Variants in ZSWIM5 observed in about 807,000 individuals in gnomAD.
ZSWIM5 encodes zinc finger SWIM-type containing 5.
In ZSWIM5, 55 loss-of-function variants were observed where a neutral mutation model predicts 119.6. The ratio of observed to expected loss-of-function variants is 0.46; its 90% CI spans 0.37 to 0.58. The LOEUF (loss-of-function observed/expected upper bound fraction) is 0.58. Ranked by LOEUF, ZSWIM5 falls within the 20% of genes least tolerant of loss-of-function variation. The probability of loss-of-function intolerance (pLI) is 0.00; values close to 1 mark genes in which losing one functional copy is unlikely to be tolerated. For synonymous variants in ZSWIM5, 537 were observed against 606.9 expected (o/e 0.88, Z 1.69); for missense variants, 1,193 against 1,512.8 (o/e 0.79, Z 3.51).
chr1:45,128,965 G>C (rs1029704674), intron 1 of ZSWIM5, among the ~76,000 whole-genome samples: 1 of 151,914 alleles, frequency 6.6e-6, no homozygotes, highest in South Asian at 2.1e-4. Flanking sequence ...CTCATGGCTT[G>C]ACAGCTCTTT....
At chr1:45,050,665 G>C (rs1244536798) in intron 5 of ZSWIM5, among the ~76,000 whole-genome samples, 2 of 152,170 alleles carry the variant, frequency 1.3e-5, no homozygotes, top group East Asian at 3.9e-4. Flanking sequence ...ACAGAAGTAA[G>C]AAAAGCTATG....
chr1:45,150,997 G>T (rs1488249944), intron 1 of ZSWIM5, among the ~76,000 whole-genome samples: 2 of 152,102 alleles, frequency 1.3e-5, no homozygotes, highest in African/African-American at 4.8e-5. Context: ...GCTTCACTAT[G>T]CCTTGAGACT....
chr1:45,105,362 G>C (rs1338352162), intron 1 of ZSWIM5, among the ~76,000 whole-genome samples: 2 of 152,218 alleles, frequency 1.3e-5, no homozygotes, highest in African/African-American at 4.8e-5. Flanking sequence ...GCCTCTGCCT[G>C]CCTGCCACCC....
intron 2 of ZSWIM5, among the ~76,000 whole-genome samples, chr1:45,062,528 T>C (rs1557752947): frequency 6.6e-6 from 1 of 152,184 alleles, no homozygotes; most frequent in Non-Finnish European, 1.5e-5. Context: ...TTAGACAGGG[T>C]CTCACTCTGT....
intron 1 of ZSWIM5, among the ~76,000 whole-genome samples, chr1:45,142,905 T>TCATA (rs1348347984): frequency 6.6e-6 from 1 of 150,710 alleles, no homozygotes; most frequent in Non-Finnish European, 1.5e-5. Context: ...ACATGGTGGC[T>TCATA]CATACCTATA....
At chr1:45,187,250 T>C (rs908213168) in intron 1 of ZSWIM5, among the ~76,000 whole-genome samples, 5 of 152,114 alleles carry the variant, frequency 3.3e-5, no homozygotes, top group Admixed American at 2.0e-4. Context: ...AACATAAGGA[T>C]AGACATAAAG....
intron 1 of ZSWIM5, among the ~76,000 whole-genome samples, chr1:45,190,972 A>G (rs1007413864): frequency 3.4e-5 from 3 of 88,738 alleles, no homozygotes; most frequent in Admixed American, 3.7e-4. Flanking sequence ...TTTGAGACGG[A>G]GTCTCGCTCT....
At chr1:45,123,516 G>A (rs191922645) in intron 1 of ZSWIM5, among the ~76,000 whole-genome samples, 10 of 152,062 alleles carry the variant, frequency 6.6e-5, no homozygotes, top group African/African-American at 1.7e-4. Context: ...CAGAGAAATC[G>A]GTAAACTTGA....
intron 10 of ZSWIM5, among the ~76,000 whole-genome samples, chr1:45,035,299 T>C (rs1291342097): frequency 1.3e-5 from 2 of 152,168 alleles, no homozygotes; most frequent in Non-Finnish European, 2.9e-5. Context: ...AACATATTTA[T>C]CTCTACTTCC....
At chr1:45,034,127 C>T (rs745703182) in intron 11 of ZSWIM5, among the ~76,000 whole-genome samples, 185 bp downstream of exon 11, 17 of 152,220 alleles carry the variant, frequency 1.1e-4, no homozygotes, top group Non-Finnish European at 2.4e-4. Flanking sequence ...GCTGGGATTA[C>T]AGGCGTAAGC....
At chr1:45,094,290 G>A (rs942841157) in intron 1 of ZSWIM5, among the ~76,000 whole-genome samples, 6 of 152,050 alleles carry the variant, frequency 3.9e-5, no homozygotes, top group African/African-American at 1.4e-4. Flanking sequence ...TCCTGACTTC[G>A]TGATCCGCCT....
intron 1 of ZSWIM5, among the ~76,000 whole-genome samples, chr1:45,127,998 G>A (rs1645631472): frequency 6.6e-6 from 1 of 152,052 alleles, no homozygotes. Context: ...CTAAATAAAT[G>A]AAGAGACATT....
intron 1 of ZSWIM5, among the ~76,000 whole-genome samples, chr1:45,093,716 A>C (rs1476110102): frequency 3.3e-5 from 5 of 152,218 alleles, no homozygotes; most frequent in Admixed American, 1.3e-4. Flanking sequence ...TTTTTTAAAA[A>C]GTCTGATTAC....
chr1:45,023,285 C>T (rs1402915808), intron 11 of ZSWIM5, among the ~76,000 whole-genome samples: 1 of 152,156 alleles, frequency 6.6e-6, no homozygotes, highest in African/African-American at 2.4e-5. Context: ...GATCTTTTTA[C>T]TGTCTTCATA....
intron 1 of ZSWIM5, among the ~76,000 whole-genome samples, chr1:45,165,941 G>C (rs547017088): frequency 3.8e-4 from 58 of 152,222 alleles, no homozygotes; most frequent in African/African-American, 1.1e-3. Context: ...AATAGAAAAA[G>C]AGGGAATCCT....
chr1:45,037,096 C>T (rs1004636373), intron 8 of ZSWIM5, among the ~76,000 whole-genome samples: 6 of 147,792 alleles, frequency 4.1e-5, no homozygotes, highest in African/African-American at 1.2e-4. Flanking sequence ...CCACCATGCC[C>T]AGCCCCACCT....
At chr1:45,053,185 G>C (rs1239932352) in intron 4 of ZSWIM5, among the ~76,000 whole-genome samples, 1 of 151,690 alleles carries the variant, frequency 6.6e-6, no homozygotes, top group Non-Finnish European at 1.5e-5. Flanking sequence ...CTCTTTAGGG[G>C]ATTATAGTAA....
chr1:45,154,171 G>A (rs1317412212), intron 1 of ZSWIM5, among the ~76,000 whole-genome samples: 1 of 151,964 alleles, frequency 6.6e-6, no homozygotes, highest in African/African-American at 2.4e-5. Context: ...TGACCATACT[G>A]CCAAAAGCAA....
rs1279800091 is a variant in ZSWIM5 at position 45,039,066 on chromosome 1, C to A, written c.1764G>T (p.Leu588Phe). 6.2e-7 allele frequency: 1 copy of A among 1,613,972 alleles called. No individual in the cohort carries two copies. Among genetic ancestry groups the A allele is most frequent in the Non-Finnish European group, 8.5e-7 (1 of 1,179,980 alleles). The change falls in exon 8 of 14, where the codon TTG becomes TTT. Residue 588 changes from leucine to phenylalanine, a missense_variant. Leu to Phe is a conservative substitution (Grantham distance 22). Transcript: ENST00000359600. Reference protein sequence around the residue: ...EIYKHQKKELLQRGTTTITNL... With the variant: ...EIYKHQKKELFQRGTTTITNL... ...TTGTGATGGTTGTGGTTCCTCTCTG[C>A]AACAGTTCTGGAAACAAGCAGGTTA...
Sources: allele counts gnomAD v4.1 joint callset (sites outside exome capture counted in the v4.1 genomes callset), GRCh38; gene constraint gnomAD v4.1.1; transcripts MANE v1.5; gene names NCBI Gene and HGNC (gene_info 2026-07-23, HGNC 2026-07-21).